CREB1: variants seen among roughly 807,000 people sequenced by gnomAD.
CREB1 encodes cAMP responsive element binding protein 1, also known as cyclic AMP-responsive element-binding protein 1.
Under a neutral mutation model 42.0 loss-of-function variants are expected in CREB1, and 2 were observed. That is an observed-to-expected ratio of 0.05 (90% CI 0.02 to 0.15). CREB1 has a LOEUF of 0.15. CREB1 is among the 10% of genes least tolerant of loss of function. The pLI, the probability that CREB1 is intolerant of heterozygous loss-of-function variation, is 1.00. For synonymous variants in CREB1, 123 were observed against 139.9 expected (o/e 0.88, Z 0.85); for missense variants, 199 against 388.9 (o/e 0.51, Z 4.11).
chr2:207,572,431 A>G (rs891897784), intron 5 of CREB1, among the ~76,000 whole-genome samples: 6 of 152,210 alleles, frequency 3.9e-5, no homozygotes, highest in East Asian at 1.9e-4. Context: ...TAAAATGAAC[A>G]TATGGTTGTC....
In CREB1 at chr2:207,604,321, C is replaced by T. The variant is rs55694411; in HGVS notation, c.*7263C>T. ...TCTTTTACACTCAGGTTGCAAAACA[C>T]AGGCCCAAGACAAACTTAACTTCTC... On this transcript the variant is annotated 3_prime_UTR_variant, in exon 8 of 8. Coordinates refer to ENST00000353267, the MANE Select transcript of CREB1 (RefSeq NM_004379.5). 6.6e-6 allele frequency among the ~76,000 whole-genome samples: 1 copy of T among 152,318 alleles called. No individual in the cohort carries two copies. Among genetic ancestry groups the T allele is most frequent in the African/African-American group, 2.4e-5 (1 of 41,554 alleles).
rs201668701 is a variant in CREB1 at position 207,543,128 on chromosome 2, C to T, written c.-8-12500C>T. ...ATCATCTCTAGATTACTTATAATAC[C>T]TTATACAGTGCCTGCCCATCACTTG... On this transcript the variant is annotated intron_variant, in intron 1 of 7. Coordinates refer to ENST00000353267, the MANE Select transcript of CREB1 (RefSeq NM_004379.5). 4.6e-5 allele frequency among the ~76,000 whole-genome samples: 7 copies of T among 152,166 alleles called. No homozygotes were observed. In the East Asian group the frequency reaches 1.4e-3, roughly 29 times the overall value.
rs192040455 is a variant in CREB1, at chr2:207,558,437, C to T, written c.115-1789C>T. 3.7e-4 allele frequency among the ~76,000 whole-genome samples: 56 copies of T among 152,234 alleles called. No individual in the cohort carries two copies. In the East Asian group the frequency reaches 5.6e-3, roughly 15 times the overall value. ...GGGTCATCTGCAGTTCCTCTCTCAC[C>T]TCTTTTAACTATTCATAAAGCCCTT... On this transcript the variant is annotated intron_variant, in intron 2 of 7. Coordinates refer to ENST00000353267, the MANE Select transcript of CREB1 (RefSeq NM_004379.5).
rs192392012 is a variant in CREB1, at chr2:207,542,537, A to T, written c.-9+12403A>T. Among the ~76,000 whole-genome samples, 4 of 152,208 alleles carry T rather than the reference A, an allele frequency of 2.6e-5. No homozygotes were observed. In the East Asian group the frequency reaches 7.7e-4, roughly 29 times the overall value. On this transcript the variant is annotated intron_variant, in intron 1 of 7. Coordinates refer to ENST00000353267, the MANE Select transcript of CREB1 (RefSeq NM_004379.5). ...AATTCGGTTGGCTTTTTGTTGTAAT[A>T]GTTGTTTATTATTCTAGATACAAAT...
At chr2:207,569,099 G>A (rs1313112472) in intron 4 of CREB1, among the ~76,000 whole-genome samples, 2 of 152,010 alleles carry the variant, frequency 1.3e-5, no homozygotes, top group African/African-American at 2.4e-5. Context: ...TTATTTGGAT[G>A]TACCATAGTT....
rs1425761123 is a variant in CREB1, at chr2:207,598,142, CAG to C, written c.*1088_*1089del. The stretch of plus-strand genomic sequence containing the variant: ...AATATTTTCCATATTAACAATTTAA[CAG>C]AGAATCTCTAGTGAATTTTTTAAAT... On this transcript the variant is annotated 3_prime_UTR_variant, in exon 8 of 8. Transcript: ENST00000353267. The C allele has an allele frequency of 3.9e-5, 7 of 180,318 alleles. No individual in the cohort carries two copies. Among genetic ancestry groups the C allele is most frequent in the East Asian group, 1.8e-4 (2 of 11,004 alleles). The allele number at this position is 180,318 out of a possible 1,614,324, so 11.2% of individuals were successfully genotyped here.
chr2:207,549,477 G>A (rs981547904), intron 1 of CREB1, among the ~76,000 whole-genome samples: 3 of 152,098 alleles, frequency 2.0e-5, no homozygotes, highest in Admixed American at 6.5e-5. Context: ...AGTAGACAGT[G>A]CACCCTAGTT....
At chr2:207,586,384 A>G (rs2083843212) in intron 7 of CREB1, among the ~76,000 whole-genome samples, 1 of 152,214 alleles carries the variant, frequency 6.6e-6, no homozygotes. Flanking sequence ...GAATGAAACT[A>G]GATACCTATC....
chr2:207,554,192 T>C (rs1404724831), intron 1 of CREB1, among the ~76,000 whole-genome samples: 1 of 152,234 alleles, frequency 6.6e-6, no homozygotes, highest in African/African-American at 2.4e-5. Flanking sequence ...TTTTGTGGAT[T>C]TTGGTATTTC....
At chr2:207,544,069 G>A (rs1312736278) in intron 1 of CREB1, among the ~76,000 whole-genome samples, 1 of 151,942 alleles carries the variant, frequency 6.6e-6, no homozygotes, top group East Asian at 1.9e-4. Context: ...ACAGGGGCCC[G>A]CCACCACGCC....
At chr2:207,593,380 A>C (rs1393893001) in intron 7 of CREB1, among the ~76,000 whole-genome samples, 1 of 151,512 alleles carries the variant, frequency 6.6e-6, no homozygotes, top group Non-Finnish European at 1.5e-5. Context: ...AATAAAATAA[A>C]TTAGCTGGGC....
At chr2:207,581,935 G>T (rs1300893542) in intron 7 of CREB1, 2 of 702,884 alleles carry the variant, frequency 2.8e-6, no homozygotes, top group East Asian at 5.4e-5. Context: ...GTTTGCATTT[G>T]TCCAGTGTTT....
chr2:207,567,866 C>A, intron 4 of CREB1: 1 of 181,222 alleles, frequency 5.5e-6, no homozygotes, highest in East Asian at 1.3e-4. Flanking sequence ...TAGTTATAAG[C>A]CAACTCTGAG....
intron 7 of CREB1, among the ~76,000 whole-genome samples, chr2:207,594,384 C>A (rs1486811140): frequency 1.3e-5 from 2 of 152,228 alleles, no homozygotes; most frequent in African/African-American, 4.8e-5. Flanking sequence ...TCCCCATTTC[C>A]TCGTTCCCCC....
At position 207,597,578 on chromosome 2, in the gene CREB1, T is replaced by G. The variant is rs1355872014; in HGVS notation, c.*520T>G. 1 of 209,454 alleles carries G rather than the reference T, an allele frequency of 4.8e-6. No individual in the cohort carries two copies. Among genetic ancestry groups the G allele is most frequent in the Non-Finnish European group, 9.7e-6 (1 of 102,918 alleles). The allele number at this position is 209,454 out of a possible 1,614,324, so 13.0% of individuals were successfully genotyped here. A position where few individuals can be genotyped will look rare whatever the true frequency, so the allele number is the denominator to read the frequency against. On this transcript the variant is annotated 3_prime_UTR_variant, in exon 8 of 8. Transcript: ENST00000353267. The stretch of plus-strand genomic sequence containing the variant: ...TGTAAAGTTGTTAAGAGACATACCC[T>G]CTAAAAAAGAACTTTAGCATGGTAT...
chr2:207,532,827 C>T (rs904389413), intron 1 of CREB1, among the ~76,000 whole-genome samples: 3 of 151,954 alleles, frequency 2.0e-5, no homozygotes, highest in African/African-American at 4.8e-5. Context: ...TCTCGGCTCA[C>T]TCACTGCAAG....
chr2:207,577,757 G>T (rs775334595), intron 7 of CREB1, 102 bp downstream of exon 7: 2 of 1,437,268 alleles, frequency 1.4e-6, no homozygotes, highest in Non-Finnish European at 9.5e-7. Context: ...TCTTTGCATT[G>T]AATTTTTTTT....
chr2:207,565,645 A>G (rs2082113447), intron 3 of CREB1, among the ~76,000 whole-genome samples: 1 of 152,110 alleles, frequency 6.6e-6, no homozygotes, highest in East Asian at 1.9e-4. Context: ...TCCAACTTGG[A>G]AGGGGGGTGT....
chr2:207,579,056 G>A (rs2082722792), intron 7 of CREB1, among the ~76,000 whole-genome samples: 1 of 152,030 alleles, frequency 6.6e-6, no homozygotes, highest in African/African-American at 2.4e-5. Context: ...AAAGTGCTGG[G>A]ATTACAGGTA....
Sources: gnomAD v4.1 joint callset for allele counts (sites outside exome capture counted in the v4.1 genomes callset) on GRCh38, gnomAD v4.1.1 for gene constraint, MANE v1.5 for transcripts, NCBI Gene and HGNC (gene_info 2026-07-23, HGNC 2026-07-21) for gene names.